Variants in DPP10 observed in about 807,000 individuals in gnomAD.
DPP10 encodes dipeptidyl peptidase like 10, also known as inactive dipeptidyl peptidase 10.
A neutral mutation model predicts 120.9 loss-of-function variants in DPP10; 33 were observed. The observed-to-expected ratio is 0.27, with a 90% CI of 0.21 to 0.37. The LOEUF (loss-of-function observed/expected upper bound fraction) is 0.37. Ranked by LOEUF, DPP10 falls within the 10% of genes least tolerant of loss-of-function variation. The pLI, the probability that DPP10 is intolerant of heterozygous loss-of-function variation, is 1.00. For synonymous variants in DPP10, 337 were observed against 326.1 expected (o/e 1.03, Z -0.36); for missense variants, 816 against 942.8 (o/e 0.87, Z 1.76).
At chr2:115,202,649 T>C (rs1210001649) in intron 1 of DPP10, among the ~76,000 whole-genome samples, 2 of 152,204 alleles carry the variant, frequency 1.3e-5, no homozygotes, top group African/African-American at 2.4e-5. Context: ...GTAATGGGGA[T>C]ATTTTTGAAT....
At chr2:114,700,009 T>C (rs980075701) in intron 1 of DPP10, among the ~76,000 whole-genome samples, 9 of 152,148 alleles carry the variant, frequency 5.9e-5, no homozygotes, top group African/African-American at 2.2e-4. Context: ...ATTAAGGCTG[T>C]ACTGATTCTG....
At chr2:115,132,860 T>C (rs1201267099) in intron 1 of DPP10, among the ~76,000 whole-genome samples, 1 of 152,074 alleles carries the variant, frequency 6.6e-6, no homozygotes, top group East Asian at 1.9e-4. Context: ...AAACTCCTGT[T>C]CCTTTACATC....
intron 3 of DPP10, among the ~76,000 whole-genome samples, chr2:115,487,175 T>C (rs537829601): frequency 1.3e-5 from 2 of 148,464 alleles, no homozygotes; most frequent in African/African-American, 2.5e-5. Context: ...TTACAAGGGA[T>C]GTGAAGGACC....
intron 3 of DPP10, among the ~76,000 whole-genome samples, chr2:115,357,747 G>C (rs1297027610): frequency 6.6e-6 from 1 of 152,168 alleles, no homozygotes; most frequent in Admixed American, 6.5e-5. Flanking sequence ...CACCCCTGCA[G>C]CAAACTTCTG....
intron 1 of DPP10, among the ~76,000 whole-genome samples, chr2:115,158,574 A>G (rs534973383): frequency 4.6e-5 from 7 of 152,202 alleles, no homozygotes; most frequent in Non-Finnish European, 8.8e-5. Context: ...TAAAATGGCC[A>G]TGTGTTGTAA....
intron 1 of DPP10, among the ~76,000 whole-genome samples, chr2:114,571,363 C>T (rs1293494625): frequency 6.6e-6 from 1 of 152,124 alleles, no homozygotes; most frequent in Admixed American, 6.5e-5. Context: ...TTTTGCCTTC[C>T]ACCATGATTG....
intron 1 of DPP10, among the ~76,000 whole-genome samples, chr2:114,572,482 G>C (rs1345237170): frequency 6.6e-6 from 1 of 152,170 alleles, no homozygotes; most frequent in Admixed American, 6.5e-5. Flanking sequence ...GTGGCATGAA[G>C]ATAAATAAAT....
chr2:114,539,436 C>G (rs1187622568), intron 1 of DPP10, among the ~76,000 whole-genome samples: 1 of 152,092 alleles, frequency 6.6e-6, no homozygotes, highest in Non-Finnish European at 1.5e-5. Flanking sequence ...GCCATAAGGC[C>G]TCTAGGCCTG....
intron 5 of DPP10, among the ~76,000 whole-genome samples, chr2:115,635,122 G>A (rs917500531): frequency 3.3e-5 from 5 of 152,032 alleles, no homozygotes; most frequent in Non-Finnish European, 5.9e-5. Flanking sequence ...CCCTCCTCCC[G>A]GAACTCAGTC....
intron 1 of DPP10, among the ~76,000 whole-genome samples, chr2:115,101,091 A>G (rs534282979): frequency 3.5e-4 from 54 of 152,246 alleles, no homozygotes; most frequent in African/African-American, 1.2e-3. Flanking sequence ...TGTCCTCATC[A>G]CGCAGCCACA....
At chr2:115,355,678 T>C (rs961396781) in intron 3 of DPP10, among the ~76,000 whole-genome samples, 5 of 152,216 alleles carry the variant, frequency 3.3e-5, no homozygotes, top group African/African-American at 1.2e-4. Context: ...CTAGGGTTTT[T>C]AGTATGTTGG....
chr2:114,906,224 A>G (rs1177239351), intron 1 of DPP10, among the ~76,000 whole-genome samples: 17 of 143,290 alleles, frequency 1.2e-4, no homozygotes, highest in Non-Finnish European at 2.4e-4. Flanking sequence ...CTAAAAATAT[A>G]TACAAAAAAA....
chr2:114,549,865 G>A lies in DPP10; in HGVS notation c.60+107027G>A, dbSNP rs189620304. Among the ~76,000 whole-genome samples, 405 of 152,120 alleles carry A rather than the reference G, an allele frequency of 2.7e-3. 1 individual carries two copies. The highest frequency in any genetic ancestry group is 9.3e-3 in the African/African-American group (384 of 41,504). On this transcript the variant is annotated intron_variant, in intron 1 of 25. Coordinates refer to ENST00000410059, the MANE Select transcript of DPP10 (RefSeq NM_020868.6). ...GGTGTAAGAGATCCTATCCTGGAAA[G>A]CTCCCATTTCATACACAGGCAGACA...
intron 1 of DPP10, among the ~76,000 whole-genome samples, chr2:115,259,781 G>T (rs904156127): frequency 6.6e-6 from 1 of 151,900 alleles, no homozygotes; most frequent in Admixed American, 6.6e-5. Context: ...AATGAATGAT[G>T]ATATTAAAAA....
At chr2:114,443,569 A>G (rs1044721445) in intron 1 of DPP10, among the ~76,000 whole-genome samples, 7 of 152,158 alleles carry the variant, frequency 4.6e-5, no homozygotes, top group African/African-American at 1.4e-4. Flanking sequence ...TATTTCCAAG[A>G]AGGCTTATAA....
intron 1 of DPP10, among the ~76,000 whole-genome samples, chr2:115,242,335 ACAT>A (rs1401503911): frequency 2.2e-3 from 5 of 2,236 alleles, no homozygotes; most frequent in East Asian, 0.012. Context: ...CCATTAATTC[ACAT>A]TTTTTTTTCT....
intron 1 of DPP10, among the ~76,000 whole-genome samples, chr2:114,625,595 T>C (rs191017926): frequency 9.9e-5 from 15 of 152,138 alleles, no homozygotes; most frequent in Admixed American, 7.2e-4. Context: ...TTACCCTTTA[T>C]TTATAAGCTT....
chr2:115,641,672 T>G (rs1410527748), intron 5 of DPP10, among the ~76,000 whole-genome samples: 9 of 152,192 alleles, frequency 5.9e-5, no homozygotes, highest in Non-Finnish European at 1.0e-4. Flanking sequence ...CGTCTTTGTC[T>G]TATATCCTCA....
At chr2:115,659,391 T>C (rs150360859) in intron 5 of DPP10, among the ~76,000 whole-genome samples, 1 of 152,192 alleles carries the variant, frequency 6.6e-6, no homozygotes, top group Non-Finnish European at 1.5e-5. Flanking sequence ...CTTTTATTTA[T>C]ACTAAAAGTG....
Sources: allele counts gnomAD v4.1 joint callset (sites outside exome capture counted in the v4.1 genomes callset), GRCh38; gene constraint gnomAD v4.1.1; transcripts MANE v1.5; gene names NCBI Gene and HGNC (gene_info 2026-07-23, HGNC 2026-07-21).